Variants in RTF2 observed in about 807,000 individuals in gnomAD.
The protein encoded by RTF2 is replication termination factor 2.
In RTF2, 18 loss-of-function variants were observed where a neutral mutation model predicts 38.0. The ratio of observed to expected loss-of-function variants is 0.47; its 90% CI spans 0.33 to 0.70. The LOEUF (loss-of-function observed/expected upper bound fraction) is 0.70, where lower values mean the gene tolerates loss of function less well. RTF2 is among the 30% of genes least tolerant of loss of function. The pLI is 0.02. For missense variants in RTF2, 311 were observed against 379.6 expected, an observed-to-expected ratio of 0.82 and a Z score of 1.50; for synonymous variants, 126 against 137.1, an observed-to-expected ratio of 0.92 and a Z score of 0.57.
chr20:56,512,807 C>G (rs1007287764), intron 5 of RTF2, among the ~76,000 whole-genome samples: 1 of 152,200 alleles, frequency 6.6e-6, no homozygotes, highest in Admixed American at 6.5e-5. Context: ...CACTCCCTCC[C>G]TCAAGGGGTT....
chr20:56,502,506 G>A (rs923491249), intron 5 of RTF2, among the ~76,000 whole-genome samples: 30 of 152,180 alleles, frequency 2.0e-4, no homozygotes, highest in Admixed American at 7.9e-4. Flanking sequence ...GAATTTGTTA[G>A]GATGGGATTT....
chr20:56,514,763 A>C (rs932534699), intron 6 of RTF2, among the ~76,000 whole-genome samples: 6 of 152,228 alleles, frequency 3.9e-5, no homozygotes, highest in African/African-American at 1.4e-4. Flanking sequence ...GGTAGAAAAT[A>C]ATGTCTGAAA....
intron 5 of RTF2, among the ~76,000 whole-genome samples, chr20:56,487,441 C>T (rs993368158): frequency 3.3e-5 from 5 of 152,182 alleles, no homozygotes; most frequent in South Asian, 2.1e-4. Flanking sequence ...CAGGAGCGAG[C>T]GTAGGCTCCT....
chr20:56,506,309 C>G (rs1030097885), intron 5 of RTF2, among the ~76,000 whole-genome samples: 1 of 152,148 alleles, frequency 6.6e-6, no homozygotes, highest in East Asian at 1.9e-4. Context: ...CTCATTTACT[C>G]TAAGCCATGG....
chr20:56,496,689 T>A, intron 5 of RTF2: 1 of 1,549,108 alleles, frequency 6.5e-7, no homozygotes, highest in South Asian at 1.2e-5. Context: ...GCTGCGGATG[T>A]CTTTGGACCA....
chr20:56,496,741 C>G (rs1983566757), intron 5 of RTF2: 18 of 1,552,014 alleles, frequency 1.2e-5, no homozygotes, highest in Non-Finnish European at 1.6e-5. Context: ...AGTATGAACT[C>G]TACAAACTTC....
intron 3 of RTF2, among the ~76,000 whole-genome samples, chr20:56,475,712 CTTG>C (rs1275386197): frequency 2.6e-5 from 4 of 151,872 alleles, no homozygotes; most frequent in South Asian, 2.1e-4. Flanking sequence ...TCTCTCAAGC[CTTG>C]TTGTGACATC....
chr20:56,482,021 G>T (rs1024284907), intron 4 of RTF2, among the ~76,000 whole-genome samples: 1 of 152,150 alleles, frequency 6.6e-6, no homozygotes, highest in Non-Finnish European at 1.5e-5. Flanking sequence ...TCTGATTGTG[G>T]CTTCCCCTGT....
At chr20:56,473,534 G>T in intron 2 of RTF2, 139 bp downstream of exon 2, 1 of 618,496 alleles carries the variant, frequency 1.6e-6, no homozygotes, top group Non-Finnish European at 2.9e-6. Flanking sequence ...CCCTGTCTCT[G>T]AACATAGTTC....
At chr20:56,495,994 A>C (rs1287034025) in intron 5 of RTF2, among the ~76,000 whole-genome samples, 1 of 152,248 alleles carries the variant, frequency 6.6e-6, no homozygotes, top group Non-Finnish European at 1.5e-5. Flanking sequence ...GGTATCCAGT[A>C]GTATTTATAA....
intron 5 of RTF2, among the ~76,000 whole-genome samples, chr20:56,492,019 CT>C (rs879937361): frequency 2.0e-5 from 3 of 152,074 alleles, no homozygotes. Context: ...TTGTTAGTTA[CT>C]GCTTTAGGTG....
intron 5 of RTF2, among the ~76,000 whole-genome samples, chr20:56,507,942 C>T (rs979286988): frequency 3.3e-5 from 5 of 152,186 alleles, no homozygotes; most frequent in African/African-American, 1.2e-4. Flanking sequence ...TCTAGCAGAG[C>T]AGGCTGTCCC....
Position 56,473,319 on chromosome 20 carries a change from T to A in RTF2, c.88T>A (p.Leu30Ile). The A allele has an allele frequency of 6.2e-7, 1 of 1,613,632 alleles. No individual in the cohort carries two copies. Among genetic ancestry groups the A allele is most frequent in the Admixed American group, 1.7e-5 (1 of 59,974 alleles). ...TTATTAGGTCGACAAAGATGCTGAA[T>A]TAGTGGCCCAATGGAACTATTGTAC... ...KVEKVDKDAELVAQWNYCTLS... is the reference protein window; with the variant it reads ...KVEKVDKDAEIVAQWNYCTLS... Residue 30 changes from leucine to isoleucine, a missense_variant, in exon 2 of 9, where the codon TTA becomes ATA. Coordinates refer to ENST00000357348, the MANE Select transcript of RTF2 (RefSeq NM_016407.5).
intron 5 of RTF2, among the ~76,000 whole-genome samples, chr20:56,492,997 G>T (rs1381648849): frequency 6.6e-6 from 1 of 152,096 alleles, no homozygotes; most frequent in Non-Finnish European, 1.5e-5. Context: ...CCAACATGGT[G>T]ACACCTCGTC....
At chr20:56,486,094 A>G (rs1568696487) in intron 5 of RTF2, among the ~76,000 whole-genome samples, 3 of 152,134 alleles carry the variant, frequency 2.0e-5, no homozygotes, top group African/African-American at 7.2e-5. Flanking sequence ...GGTACTGGGT[A>G]TCTCTGTAAG....
intron 1 of RTF2, chr20:56,470,722 A>G: frequency 4.4e-6 from 2 of 455,158 alleles, no homozygotes; most frequent in Non-Finnish European, 8.8e-6. Flanking sequence ...GGAATTGGAC[A>G]TGGAGTTAAT....
rs546012842 is a variant in RTF2, at chr20:56,486,861, C to T, written c.477+2672C>T. Among the ~76,000 whole-genome samples the T allele has an allele frequency of 5.9e-5, 9 of 152,118 alleles. 1 individual carries two copies. The highest frequency in any genetic ancestry group is 2.1e-4 in the South Asian group (1 of 4,818). On this transcript the variant is annotated intron_variant, in intron 5 of 8. Coordinates refer to ENST00000357348, the MANE Select transcript of RTF2 (RefSeq NM_016407.5). ...GCAGTGCTCATGGGGCAGAAGCAGC[C>T]GGGCAGCCATACTGAGATGAGTGGC...
chr20:56,497,263 T>C (rs1568702474), intron 5 of RTF2: 1 of 1,551,630 alleles, frequency 6.4e-7, no homozygotes. Flanking sequence ...TTATGAATAG[T>C]TATAATATAT....
intron 5 of RTF2, among the ~76,000 whole-genome samples, chr20:56,502,625 A>T (rs1983996405): frequency 6.6e-6 from 1 of 152,248 alleles, no homozygotes; most frequent in Non-Finnish European, 1.5e-5. Context: ...GAGTAAATAG[A>T]TAATGGATGG....
Sources: allele counts gnomAD v4.1 joint callset (sites outside exome capture counted in the v4.1 genomes callset), GRCh38; gene constraint gnomAD v4.1.1; transcripts MANE v1.5; gene names NCBI Gene and HGNC (gene_info 2026-07-23, HGNC 2026-07-21).